Variants in LAMA4 observed in about 807,000 individuals in gnomAD.
The protein encoded by LAMA4 is laminin subunit alpha 4.
Under a neutral mutation model 207.1 loss-of-function variants are expected in LAMA4, and 127 were observed. The observed-to-expected ratio is 0.61, with a 90% confidence interval of 0.53 to 0.71. LAMA4 has a LOEUF of 0.71. Among genes scored for constraint, LAMA4 ranks in the 30% least tolerant of loss-of-function variants. LAMA4 has a pLI of 0.00. For synonymous variants in LAMA4, 761 were observed against 816.0 expected, an observed-to-expected ratio of 0.93 and a Z score of 1.15; for missense variants, 2,093 against 2,246.5, an observed-to-expected ratio of 0.93 and a Z score of 1.38.
At chr6:112,114,569 G>A (rs1289271849) in intron 37 of LAMA4, 94 bp downstream of exon 37, 1 of 836,138 alleles carries the variant, frequency 1.2e-6, no homozygotes, top group Non-Finnish European at 2.1e-6. Flanking sequence ...AGACTGTCAT[G>A]CATTACCTAT....
intron 9 of LAMA4, chr6:112,179,995 C>A (rs534156498): frequency 5.5e-5 from 28 of 510,686 alleles, no homozygotes; most frequent in South Asian, 4.2e-4. Flanking sequence ...ATTAAATATG[C>A]AGAAACTATA....
In LAMA4 at chr6:112,254,194, T is replaced by C; in HGVS notation, c.-44A>G. 1 of 1,610,704 alleles carries C rather than the reference T, an allele frequency of 6.2e-7. No homozygotes were observed. The highest frequency in any genetic ancestry group is 2.2e-5 in the East Asian group (1 of 44,854). On this transcript the variant is annotated 5_prime_UTR_variant, in exon 2 of 39. Transcript: ENST00000230538. ...TAGTGCTCTTCCAGGGCTCGGGCGC[T>C]GTGGGTCTCCGTAGGTCTCCCGCGT...
rs1554320753 is a variant in LAMA4, at chr6:112,109,167, C to T, written c.*270G>A. On this transcript the variant is annotated 3_prime_UTR_variant, in exon 39 of 39. Transcript: ENST00000230538. ...CCTTCTATTTTATTAGAAACAGAAACAGTAATTTCACCAGTAGGAATTGCG... is the reference window on the plus strand; with the variant it reads ...CCTTCTATTTTATTAGAAACAGAAATAGTAATTTCACCAGTAGGAATTGCG... 4.3e-6 allele frequency: 2 copies of T among 463,544 alleles called. No homozygotes were observed. The highest frequency in any genetic ancestry group is 2.0e-5 in the African/African-American group (1 of 50,982). 28.7% of individuals were successfully genotyped at this position (463,544 alleles called of 1,614,324 possible). A position where few individuals can be genotyped will look rare whatever the true frequency, so the allele number is the denominator to read the frequency against.
At chr6:112,150,888 C>G (rs1181041540) in intron 16 of LAMA4, among the ~76,000 whole-genome samples, 1 of 152,094 alleles carries the variant, frequency 6.6e-6, no homozygotes, top group African/African-American at 2.4e-5. Flanking sequence ...ACATATAGCC[C>G]TGCCATGACT....
In LAMA4 at chr6:112,175,295, T is replaced by A; in HGVS notation, c.1357+18A>T. Reference sequence around the variant, plus strand: ...GGGCAAACATGTGCTGGGTCAGCTATGAGAGGAATACACCTACGTTCGTAA... The same window carrying A: ...GGGCAAACATGTGCTGGGTCAGCTAAGAGAGGAATACACCTACGTTCGTAA... On this transcript the variant is annotated intron_variant, in intron 11 of 38. Coordinates refer to ENST00000230538, the MANE Select transcript of LAMA4 (RefSeq NM_001105206.3). The A allele has an allele frequency of 6.2e-7, 1 of 1,613,062 alleles. No individual in the cohort carries two copies. The highest frequency in any genetic ancestry group is 8.5e-7 in the Non-Finnish European group (1 of 1,179,458).
At chr6:112,238,507 C>T (rs1231285680) in intron 2 of LAMA4, among the ~76,000 whole-genome samples, 3 of 151,896 alleles carry the variant, frequency 2.0e-5, no homozygotes, top group Admixed American at 6.6e-5. Context: ...GTCAGGAGTT[C>T]GAGACCAGCC....
intron 2 of LAMA4, among the ~76,000 whole-genome samples, chr6:112,222,766 G>A (rs1784994252): frequency 6.6e-6 from 1 of 152,172 alleles, no homozygotes; most frequent in African/African-American, 2.4e-5. Flanking sequence ...CAGCCTTGGC[G>A]TGTGTTGAAG....
chr6:112,207,331 T>C (rs1245954095), intron 3 of LAMA4, among the ~76,000 whole-genome samples, 186 bp from the exon 4 acceptor site: 2 of 152,092 alleles, frequency 1.3e-5, no homozygotes, highest in Admixed American at 6.6e-5. Context: ...AAAGTGTGGG[T>C]AAGTGGTGAA....
intron 19 of LAMA4, 146 bp downstream of exon 19, chr6:112,144,648 G>T: frequency 2.1e-6 from 2 of 949,922 alleles, no homozygotes; most frequent in Non-Finnish European, 3.4e-6. Context: ...TTCCTCACGT[G>T]TTTCTAATTA....
chr6:112,157,293 A>C (rs1357303904), intron 14 of LAMA4, among the ~76,000 whole-genome samples: 3 of 147,420 alleles, frequency 2.0e-5, no homozygotes. Context: ...AAAGATCATG[A>C]AACAAAGCCT....
intron 7 of LAMA4, among the ~76,000 whole-genome samples, chr6:112,188,523 G>C (rs79730073): frequency 6.6e-6 from 1 of 152,118 alleles, no homozygotes; most frequent in Admixed American, 6.6e-5. Flanking sequence ...ACATCTGTTT[G>C]GGGGAGGGGA....
rs1237366568 is a variant in LAMA4, at chr6:112,139,228, G to A, written c.3174C>T (p.Ala1058=). Residue 1058 remains alanine, a synonymous_variant, in exon 24 of 39, where the codon GCC becomes GCT. Coordinates refer to ENST00000230538, the MANE Select transcript of LAMA4 (RefSeq NM_001105206.3). The part of the protein sequence containing the change: ...ASYFFDGSGY[A]VVRDITRRGK... ...CTCTCCTTGTGATGTCTCTCACCAC[G>A]GCATAACCGGAGCCATCGAAGAAGT... 3.7e-6 allele frequency: 6 copies of A among 1,613,938 alleles called. No homozygotes were observed. The highest frequency in any genetic ancestry group is 2.2e-5 in the East Asian group (1 of 44,886).
chr6:112,237,883 T>C (rs1336956798), intron 2 of LAMA4, among the ~76,000 whole-genome samples: 9 of 152,218 alleles, frequency 5.9e-5, no homozygotes, highest in African/African-American at 2.2e-4. Context: ...CCAGGCTCTC[T>C]GCCACCTATT....
chr6:112,171,522 A>G (rs1330445846), intron 12 of LAMA4: 3 of 153,744 alleles, frequency 2.0e-5, no homozygotes, highest in Non-Finnish European at 4.4e-5. Context: ...GAGCTAAAAC[A>G]TGTCAGATAG....
chr6:112,115,199 C>G (rs1308004574), intron 36 of LAMA4, among the ~76,000 whole-genome samples: 1 of 152,050 alleles, frequency 6.6e-6, no homozygotes, highest in African/African-American at 2.4e-5. Context: ...ATGAGTTAAT[C>G]TAGGTAAAGC....
At chr6:112,204,416 G>A (rs1783932607) in intron 4 of LAMA4, among the ~76,000 whole-genome samples, 1 of 151,212 alleles carries the variant, frequency 6.6e-6, no homozygotes, top group Admixed American at 6.6e-5. Context: ...TGCAAAAGTG[G>A]AACAGCATAA....
intron 2 of LAMA4, among the ~76,000 whole-genome samples, chr6:112,229,006 T>A (rs1369576337): frequency 6.6e-6 from 1 of 152,206 alleles, no homozygotes; most frequent in African/African-American, 2.4e-5. Context: ...ATTCACTTTC[T>A]TTCTCAGACA....
chr6:112,176,597 A>C (rs1554343817), intron 10 of LAMA4, among the ~76,000 whole-genome samples: 1 of 152,214 alleles, frequency 6.6e-6, no homozygotes, highest in African/African-American at 2.4e-5. Flanking sequence ...TCCACTCCTC[A>C]AGTAAAGTCT....
intron 4 of LAMA4, among the ~76,000 whole-genome samples, chr6:112,202,445 T>A: frequency 1.1e-5 from 1 of 90,118 alleles, no homozygotes; most frequent in African/African-American, 8.2e-5. Context: ...GGCATAGGGG[T>A]GTGTGTGTGT....
Sources: gnomAD v4.1 joint callset for allele counts (sites outside exome capture counted in the v4.1 genomes callset) on GRCh38, gnomAD v4.1.1 for gene constraint, MANE v1.5 for transcripts, NCBI Gene and HGNC (gene_info 2026-07-23, HGNC 2026-07-21) for gene names.